ARHGAP42: variants seen among roughly 807,000 people sequenced by gnomAD.
The protein encoded by ARHGAP42 is Rho GTPase activating protein 42.
ARHGAP42 carries 63 observed loss-of-function variants against 125.0 expected under a neutral mutation model. That is an observed-to-expected ratio of 0.50 (90% confidence interval 0.41 to 0.62). The LOEUF is 0.62. Among genes scored for constraint, ARHGAP42 ranks in the 20% least tolerant of loss-of-function variants. ARHGAP42 has a pLI of 0.00. For synonymous variants in ARHGAP42, 339 were observed against 351.0 expected, an observed-to-expected ratio of 0.97 and a Z score of 0.38; for missense variants, 766 against 1,024.2, an observed-to-expected ratio of 0.75 and a Z score of 3.44.
rs1296533801 is a variant in ARHGAP42 at position 100,987,498 on chromosome 11, G to T, written c.2457-15G>T. 3.9e-6 allele frequency: 6 copies of T among 1,550,578 alleles called. No individual in the cohort carries two copies. The East Asian group carries it at 1.2e-4, about 32-fold the overall frequency. On this transcript the variant is annotated splice_polypyrimidine_tract_variant and intron_variant, in intron 22 of 23. Coordinates refer to ENST00000298815, the MANE Select transcript of ARHGAP42 (RefSeq NM_152432.4). Reference sequence around the variant, plus strand: ...TTGAGTGTTGAGGTTTTGACAAGTTGTCTTGCTCTTTCAGCCAAGCCAAAG... The same window carrying T: ...TTGAGTGTTGAGGTTTTGACAAGTTTTCTTGCTCTTTCAGCCAAGCCAAAG...
chr11:100,976,143 A>C lies in ARHGAP42; in HGVS notation c.1942A>C (p.Thr648Pro). ...TCATTCCTCTGAACAAAATAGCACTACAAAGTCAGCTTCCTGCCAGCCCAG... is the reference window on the plus strand; with the variant it reads ...TCATTCCTCTGAACAAAATAGCACTCCAAAGTCAGCTTCCTGCCAGCCCAG... ...SSHSSEQNST[T>P]KSASCQPREK... Residue 648 changes from threonine (T) to proline (P), a missense_variant, in exon 20 of 24, where the codon ACA becomes CCA. By Grantham distance (38) the Thr-to-Pro change is conservative (BLOSUM62 -1). This residue lies in a region of ARHGAP42 where 308 missense variants were observed against 369.7 expected (regional missense o/e 0.83). Coordinates refer to ENST00000298815, the MANE Select transcript of ARHGAP42 (RefSeq NM_152432.4). The C allele has an allele frequency of 6.4e-7, 1 of 1,551,698 alleles. No homozygotes were observed. The highest frequency in any genetic ancestry group is 8.7e-7 in the Non-Finnish European group (1 of 1,146,880).
At chr11:100,951,883 C>T (rs509166) in intron 12 of ARHGAP42, among the ~76,000 whole-genome samples, 7 of 152,046 alleles carry the variant, frequency 4.6e-5, no homozygotes, top group Admixed American at 3.9e-4. Context: ...GTACTCTGAG[C>T]TCCTTGTGAC....
At chr11:100,892,505 C>A (rs1268698278) in intron 4 of ARHGAP42, among the ~76,000 whole-genome samples, 1 of 151,904 alleles carries the variant, frequency 6.6e-6, no homozygotes, top group Non-Finnish European at 1.5e-5. Context: ...GCTGTAAAAT[C>A]TGGTGGGTTA....
intron 1 of ARHGAP42, among the ~76,000 whole-genome samples, chr11:100,704,136 CTTT>C (rs1453208903): frequency 6.6e-6 from 1 of 152,074 alleles, no homozygotes; most frequent in Non-Finnish European, 1.5e-5. Context: ...TGAATTGAGC[CTTT>C]TAGCTAGTTG....
chr11:100,984,394 T>G (rs1211564127), intron 22 of ARHGAP42, among the ~76,000 whole-genome samples: 1 of 151,474 alleles, frequency 6.6e-6, no homozygotes, highest in Non-Finnish European at 1.5e-5. Flanking sequence ...TTTTAAAAAT[T>G]TCCACTTTTA....
chr11:100,903,709 A>AAAATATAT lies in ARHGAP42; in HGVS notation c.385-9742_385-9741insAATATATA, dbSNP rs1332890022. On this transcript the variant is annotated intron_variant, in intron 4 of 23. Transcript: ENST00000298815. ...ATGTATATATATACATGTCCCTCAAAATATATATATATATATATATATATA... is the reference window on the plus strand; with the variant it reads ...ATGTATATATATACATGTCCCTCAAAAAATATATATATATATATATATATATATATATA... 8.3e-4 allele frequency among the ~76,000 whole-genome samples: 53 copies of AAAATATAT among 63,500 alleles called. 1 individual carries two copies. Among genetic ancestry groups the AAAATATAT allele is most frequent in the African/African-American group, 3.3e-3 (49 of 14,658 alleles). The allele number at this position is 63,500 out of a possible 152,430, so 41.7% of individuals were successfully genotyped here.
chr11:100,858,772 A>G (rs564906321), intron 3 of ARHGAP42, among the ~76,000 whole-genome samples: 2 of 152,188 alleles, frequency 1.3e-5, no homozygotes, highest in South Asian at 4.1e-4. Flanking sequence ...ACAAATTACA[A>G]ATTTTGTAAA....
intron 1 of ARHGAP42, among the ~76,000 whole-genome samples, chr11:100,744,730 G>T (rs1270892696): frequency 1.3e-5 from 2 of 152,240 alleles, no homozygotes; most frequent in East Asian, 3.9e-4. Context: ...GGCTTTCTCA[G>T]ATACTGGTTG....
intron 4 of ARHGAP42, among the ~76,000 whole-genome samples, chr11:100,868,384 A>T (rs1043607854): frequency 1.3e-5 from 2 of 152,204 alleles, no homozygotes; most frequent in Non-Finnish European, 1.5e-5. Flanking sequence ...ATAGTACTTG[A>T]TCCTTTATTT....
intron 11 of ARHGAP42, 98 bp from the exon 12 acceptor site, chr11:100,949,819 A>G: frequency 2.7e-6 from 2 of 727,992 alleles, no homozygotes; most frequent in Non-Finnish European, 4.1e-6. Context: ...TGAAATCAAG[A>G]CACTCTTTTC....
intron 3 of ARHGAP42, among the ~76,000 whole-genome samples, chr11:100,830,382 G>A (rs1864636685): frequency 1.3e-5 from 2 of 152,150 alleles, no homozygotes; most frequent in Non-Finnish European, 1.5e-5. Flanking sequence ...GTGGTTTGGT[G>A]GCTGCTGTAA....
At chr11:100,717,783 G>A (rs1861691108) in intron 1 of ARHGAP42, among the ~76,000 whole-genome samples, 1 of 151,710 alleles carries the variant, frequency 6.6e-6, no homozygotes, top group African/African-American at 2.4e-5. Context: ...AAAATTAACA[G>A]GACGTGGTGG....
chr11:100,898,331 G>T lies in ARHGAP42; in HGVS notation c.385-15121G>T, dbSNP rs556107433. Among the ~76,000 whole-genome samples, 3 of 152,232 alleles carry T rather than the reference G, an allele frequency of 2.0e-5. No homozygotes were observed. The South Asian group carries it at 6.2e-4, about 32-fold the overall frequency. On this transcript the variant is annotated intron_variant, in intron 4 of 23. Transcript: ENST00000298815. ...TTTTGTTGTGTCTCTGCCAGGCTTT[G>T]GTATCAGGATGATGGTGGCCTCATA...
At chr11:100,759,057 C>A (rs1006210525) in intron 1 of ARHGAP42, among the ~76,000 whole-genome samples, 67 of 152,162 alleles carry the variant, frequency 4.4e-4, no homozygotes, top group African/African-American at 1.5e-3. Flanking sequence ...CTTGAATAGA[C>A]CACCAGGATC....
chr11:100,722,022 A>G (rs1861767499), intron 1 of ARHGAP42, among the ~76,000 whole-genome samples: 1 of 152,176 alleles, frequency 6.6e-6, no homozygotes, highest in Non-Finnish European at 1.5e-5. Flanking sequence ...GAAACTGCCA[A>G]ACTTTTCCAA....
At chr11:100,926,605 A>T (rs113739461) in intron 6 of ARHGAP42, among the ~76,000 whole-genome samples, 9 of 152,206 alleles carry the variant, frequency 5.9e-5, no homozygotes, top group Non-Finnish European at 1.2e-4. Context: ...CAGCTGTGCA[A>T]ATATGGCACA....
At chr11:100,986,309 A>T (rs1858677090) in intron 22 of ARHGAP42, 1 of 325,402 alleles carries the variant, frequency 3.1e-6, no homozygotes, top group East Asian at 8.8e-5. Context: ...CCATGTGAAG[A>T]TCAAGAGGAA....
intron 2 of ARHGAP42, among the ~76,000 whole-genome samples, chr11:100,781,604 A>C (rs1264859185): frequency 1.3e-5 from 2 of 152,232 alleles, no homozygotes; most frequent in Non-Finnish European, 2.9e-5. Context: ...TGTGCAAAAC[A>C]GAAATAAATC....
chr11:100,854,941 C>T (rs923892694), intron 3 of ARHGAP42, among the ~76,000 whole-genome samples: 1 of 152,130 alleles, frequency 6.6e-6, no homozygotes, highest in Non-Finnish European at 1.5e-5. Context: ...CATTCTTTTA[C>T]GTCGAAGACG....
Sources: allele counts gnomAD v4.1 joint callset (sites outside exome capture counted in the v4.1 genomes callset), GRCh38; gene constraint gnomAD v4.1.1; regional missense constraint gnomAD v4.1.1; transcripts MANE v1.5; gene names NCBI Gene and HGNC (gene_info 2026-07-23, HGNC 2026-07-21).